Variants in PC observed in about 807,000 individuals in gnomAD.
PC encodes the protein pyruvate carboxylase, also known as pyruvate carboxylase, mitochondrial.
PC carries 46 observed loss-of-function variants against 107.8 expected under a neutral mutation model. The observed-to-expected ratio is 0.43, with a 90% CI of 0.34 to 0.55. PC has a LOEUF of 0.55. Ranked by LOEUF, PC falls within the 20% of genes least tolerant of loss-of-function variation. The probability of loss-of-function intolerance (pLI) is 0.04; values close to 1 mark genes in which losing one functional copy is unlikely to be tolerated. For synonymous variants in PC, 662 were observed against 684.7 expected, an observed-to-expected ratio of 0.97 and a Z score of 0.52; for missense variants, 1,241 against 1,643.1, an observed-to-expected ratio of 0.76 and a Z score of 4.23.
chr11:66,906,178 G>A (rs1401128713), intron 3 of PC, among the ~76,000 whole-genome samples: 1 of 152,128 alleles, frequency 6.6e-6, no homozygotes, highest in Non-Finnish European at 1.5e-5. Flanking sequence ...AGGTTTAAGG[G>A]AACGATATGC....
At chr11:66,934,912 T>C (rs1948956903) in intron 3 of PC, among the ~76,000 whole-genome samples, 1 of 152,170 alleles carries the variant, frequency 6.6e-6, no homozygotes, top group South Asian at 2.1e-4. Flanking sequence ...GCCCCCTGTG[T>C]ATGTTTATGC....
At chr11:66,896,330 C>T (rs139508413) in intron 3 of PC, among the ~76,000 whole-genome samples, 1,787 of 152,272 alleles carry the variant, frequency 0.012, 22 homozygotes, top group Non-Finnish European at 0.02. Context: ...CCACCTGCCT[C>T]GGCCTCCCAA....
intron 3 of PC, among the ~76,000 whole-genome samples, chr11:66,942,264 G>A (rs1192421447): frequency 2.0e-5 from 3 of 151,568 alleles, no homozygotes; most frequent in African/African-American, 7.3e-5. Flanking sequence ...GCTGGGCATG[G>A]TGGCAGGCGC....
In PC at chr11:66,869,031, G is replaced by T. The variant is rs1946617987; in HGVS notation, c.904-67C>A. The T allele has an allele frequency of 2.7e-5, 33 of 1,215,336 alleles. No homozygotes were observed. The South Asian group carries it at 3.7e-4, about 14-fold the overall frequency. The allele number at this position is 1,215,336 out of a possible 1,614,324, so 75.3% of individuals were successfully genotyped here. ...GCCTGGGCAAACTCACTGGACTCAG[G>T]ACAGGGATTCCGTCCCACCCATTGG... is the stretch of plus-strand genomic sequence containing the variant. On this transcript the variant is annotated intron_variant, in intron 9 of 22. Coordinates refer to ENST00000393960, the MANE Select transcript of PC (RefSeq NM_001040716.2).
chr11:66,858,868 G>A lies in PC; in HGVS notation c.1368+4906C>T. The A allele has an allele frequency of 6.4e-7, 1 of 1,554,400 alleles. No homozygotes were observed. Among genetic ancestry groups the A allele is most frequent in the South Asian group, 1.2e-5 (1 of 86,290 alleles). On this transcript the variant is annotated intron_variant, in intron 12 of 22. Transcript: ENST00000393960. The surrounding 1 kb of genome is among the most constrained non-coding windows in gnomAD (Gnocchi z 5.9). ...CGGGTGCTGGCCTTGCCCCATGGTG[G>A]GAACAGCAGTGCCGAGGGGGGCCGC...
chr11:66,859,871 T>C (rs1004504517), intron 12 of PC: 11 of 1,563,934 alleles, frequency 7.0e-6, no homozygotes, highest in Admixed American at 3.7e-5. Context: ...TGCTGGTGGC[T>C]GCCTTACTGG....
In PC at chr11:66,866,458, C is replaced by A. The variant is rs1946500501; in HGVS notation, c.1023-109G>T. 2.5e-6 allele frequency: 2 copies of A among 800,988 alleles called. No individual in the cohort carries two copies. The highest frequency in any genetic ancestry group is 4.1e-6 in the Non-Finnish European group (2 of 490,844). 49.6% of individuals were successfully genotyped at this position (800,988 alleles called of 1,614,324 possible). A position where few individuals can be genotyped will look rare whatever the true frequency, so the allele number is the denominator to read the frequency against. On this transcript the variant is annotated intron_variant, in intron 10 of 22. Transcript: ENST00000393960. This position sits in a 1 kb window ranked among gnomAD's most constrained non-coding sequence, Gnocchi z 5.4. ...AGTGGGGCGTCCACACACAGTGCGACTCCTGCCCATAGGCTCTGGGCCAGC... is the reference window on the plus strand; with the variant it reads ...AGTGGGGCGTCCACACACAGTGCGAATCCTGCCCATAGGCTCTGGGCCAGC...
chr11:66,850,486 A>G, intron 18 of PC, 22 bp from the exon 19 acceptor site: 1 of 1,613,696 alleles, frequency 6.2e-7, no homozygotes, highest in South Asian at 1.1e-5. Context: ...CCAGAGTCAG[A>G]GGAGGCCTTA....
At chr11:66,923,094 C>T (rs1307632268) in intron 3 of PC, among the ~76,000 whole-genome samples, 3 of 151,992 alleles carry the variant, frequency 2.0e-5, no homozygotes, top group Non-Finnish European at 2.9e-5. Flanking sequence ...GCACCGGGCG[C>T]GGTGGCTCAC....
intron 3 of PC, among the ~76,000 whole-genome samples, chr11:66,895,810 T>G (rs1202087880): frequency 6.6e-6 from 1 of 152,076 alleles, no homozygotes; most frequent in African/African-American, 2.4e-5. Flanking sequence ...AGAAAAGGAA[T>G]GTTTCAAGAA....
chr11:66,852,753 G>T lies in PC; in HGVS notation c.1597C>A (p.Pro533Thr), dbSNP rs1190216613. 2 of 1,608,608 alleles carry T rather than the reference G, an allele frequency of 1.2e-6. No homozygotes were observed. The highest frequency in any genetic ancestry group is 1.3e-5 in the African/African-American group (1 of 74,842). Residue 533 changes from proline (P) to threonine (T), a missense_variant, in exon 14 of 23, where the codon CCC (proline) becomes ACC (threonine). This residue lies in a region of PC where 1,143 missense variants were observed against 1,551.9 expected (regional missense o/e 0.74). Transcript: ENST00000393960. The surrounding 1 kb of genome is among the most constrained non-coding windows in gnomAD (Gnocchi z 4.7). ...CAGAATGGATCTCACCTACCTATGGGCACTGCAGGGACAACGGGGTCCGTG... is the reference window on the plus strand; with the variant it reads ...CAGAATGGATCTCACCTACCTATGGTCACTGCAGGGACAACGGGGTCCGTG... ...SPTDPVVPAV[P>T]IGPPPAGFRD...
At chr11:66,947,806 T>C (rs1949335973) in intron 3 of PC, among the ~76,000 whole-genome samples, 1 of 147,110 alleles carries the variant, frequency 6.8e-6, no homozygotes, top group African/African-American at 2.5e-5. Flanking sequence ...CTACTAAAAA[T>C]ACAAAAATTA....
intron 3 of PC, among the ~76,000 whole-genome samples, chr11:66,906,747 G>C (rs946666696): frequency 6.6e-6 from 1 of 152,080 alleles, no homozygotes; most frequent in African/African-American, 2.4e-5. Flanking sequence ...AAGAACAAGA[G>C]GCCATTTGGA....
Position 66,852,887 on chromosome 11 carries a change from C to T in PC, c.1514-51G>A, listed in dbSNP as rs141970908. The stretch of plus-strand genomic sequence containing the variant: ...AGGGTGGGCTGGGCAGAGGCTGAGT[C>T]GAGGGCAGCAGTGAGAGTGGCTGGG... On this transcript the variant is annotated intron_variant, in intron 13 of 22. Coordinates refer to ENST00000393960, the MANE Select transcript of PC (RefSeq NM_001040716.2). The surrounding 1 kb of genome is among the most constrained non-coding windows in gnomAD (Gnocchi z 4.7). 4.7e-3 allele frequency: 6,330 copies of T among 1,355,682 alleles called. 31 individuals carry two copies. The highest frequency in any genetic ancestry group is 4.8e-3 in the Non-Finnish European group (4,738 of 977,878). The allele number at this position is 1,355,682 out of a possible 1,614,324, so 84.0% of individuals were successfully genotyped here. A position where few individuals can be genotyped will look rare whatever the true frequency, so the allele number is the denominator to read the frequency against.
At position 66,858,904 on chromosome 11, in the gene PC, C is replaced by G. The variant is rs201895033; in HGVS notation, c.1368+4870G>C. On this transcript the variant is annotated intron_variant, in intron 12 of 22. Transcript: ENST00000393960. The surrounding 1 kb of genome is among the most constrained non-coding windows in gnomAD (Gnocchi z 5.9). ...GCCGAGGGGGGCCGCCCCGGGCCCTCGGACATCGCCGCCTCCGCTCGCACT... is the reference window on the plus strand; with the variant it reads ...GCCGAGGGGGGCCGCCCCGGGCCCTGGGACATCGCCGCCTCCGCTCGCACT... 7 of 1,562,484 alleles carry G rather than the reference C, an allele frequency of 4.5e-6. No individual in the cohort carries two copies. In the East Asian group the frequency reaches 1.4e-4, roughly 30 times the overall value.
chr11:66,957,077 G>C (rs894419630), intron 1 of PC, among the ~76,000 whole-genome samples: 2 of 152,220 alleles, frequency 1.3e-5, no homozygotes, highest in Admixed American at 6.5e-5. Flanking sequence ...CTGCAAGTGA[G>C]AGAAATGCTG....
Position 66,851,162 on chromosome 11 carries a change from C to T in PC, c.2101G>A (p.Glu701Lys), listed in dbSNP as rs1333294620. ...EAAGSAGGVV[E>K]AAISYTGDVA... Reference sequence around the variant, plus strand: ...TCGCCCGTGTATGAGATGGCAGCCTCCACCACGCCTCCGGCACTTCCTGCC... The same window carrying T: ...TCGCCCGTGTATGAGATGGCAGCCTTCACCACGCCTCCGGCACTTCCTGCC... Residue 701 changes from glutamate (E) to lysine (K), a missense_variant, in exon 17 of 23, where the codon GAG becomes AAG. Coordinates refer to ENST00000393960, the MANE Select transcript of PC (RefSeq NM_001040716.2). 1 of 1,612,340 alleles carries T rather than the reference C, an allele frequency of 6.2e-7. No individual in the cohort carries two copies. The highest frequency in any genetic ancestry group is 1.7e-5 in the Admixed American group (1 of 60,028).
Position 66,863,016 on chromosome 11 carries a change from T to TG in PC, c.1368+757dup, listed in dbSNP as rs35124112. Among the ~76,000 whole-genome samples the TG allele has an allele frequency of 1.7e-3, 252 of 151,858 alleles. 2 individuals are homozygous for TG. Among genetic ancestry groups the TG allele is most frequent in the African/African-American group, 5.6e-3 (232 of 41,402 alleles). On this transcript the variant is annotated intron_variant, in intron 12 of 22. Transcript: ENST00000393960. Reference sequence around the variant, plus strand: ...CTACATGACTTGGGCTCTTGCCTGGTGGGGGGGGATCCACATTTTCCAGAA... The same window carrying TG: ...CTACATGACTTGGGCTCTTGCCTGGTGGGGGGGGGATCCACATTTTCCAGAA...
At chr11:66,873,459 T>TATA (rs1946834720) in intron 3 of PC, among the ~76,000 whole-genome samples, 2 of 79,826 alleles carry the variant, frequency 2.5e-5, no homozygotes, top group African/African-American at 1.0e-4. Context: ...ATATAAAATA[T>TATA]ATATTATATA....
Sources: gnomAD v4.1 joint callset for allele counts (sites outside exome capture counted in the v4.1 genomes callset) on GRCh38, gnomAD v4.1.1 for gene constraint, gnomAD v4.1.1 regional missense constraint, Gnocchi (gnomAD v3.1) non-coding constraint, MANE v1.5 for transcripts, NCBI Gene and HGNC (gene_info 2026-07-23, HGNC 2026-07-21) for gene names.